The following BTRC variants were observed in gnomAD, a reference collection of about 807,000 sequenced individuals.
The protein encoded by BTRC is F-box/WD repeat-containing protein 1A.
BTRC carries 42 observed loss-of-function variants against 85.5 expected under a neutral mutation model. The observed-to-expected ratio is 0.49, with a 90% CI of 0.38 to 0.64. BTRC has a LOEUF of 0.64. BTRC is among the 30% of genes least tolerant of loss of function. The pLI is 0.00. For synonymous variants in BTRC, 255 were observed against 263.3 expected (o/e 0.97, Z 0.30); for missense variants, 594 against 743.5 (o/e 0.80, Z 2.34).
At position 101,366,778 on chromosome 10, in the gene BTRC, A is replaced by ATTTTTTTATATT. The variant is rs1564729546; in HGVS notation, c.48+12551_48+12552insTTTTTTATATTT. On this transcript the variant is annotated intron_variant, in intron 1 of 14. Transcript: ENST00000370187. ...GGACTTAATCTAGTTATATATATAT[A>ATTTTTTTATATT]TATATATATATTTTTACATTTATAT... is the stretch of plus-strand genomic sequence containing the variant. Among the ~76,000 whole-genome samples the ATTTTTTTATATT allele has an allele frequency of 8.0e-4, 87 of 108,120 alleles. 2 individuals carry two copies. The highest frequency in any genetic ancestry group is 2.7e-3 in the Admixed American group (18 of 6,588). The allele number at this position is 108,120 out of a possible 152,430, so 70.9% of individuals were successfully genotyped here.
At chr10:101,511,168 ACCTTAATTCCCACCATTTTT>A (rs1345147830) in intron 4 of BTRC, among the ~76,000 whole-genome samples, 2 of 152,104 alleles carry the variant, frequency 1.3e-5, no homozygotes, top group Admixed American at 1.3e-4. Context: ...AGCCCCAGCC[ACCTTAATTCCCACCATTTTT>A]CCTTAATTCC....
At chr10:101,538,496 T>G (rs535461399) in intron 13 of BTRC, 125 bp downstream of exon 13, 4 of 797,712 alleles carry the variant, frequency 5.0e-6, no homozygotes, top group Non-Finnish European at 8.5e-6. Flanking sequence ...AACTAAGTGG[T>G]AAGGCAACCA....
intron 11 of BTRC, among the ~76,000 whole-genome samples, 169 bp downstream of exon 11, chr10:101,535,641 C>G (rs1420300400): frequency 6.6e-6 from 1 of 152,224 alleles, no homozygotes; most frequent in East Asian, 1.9e-4. Context: ...AGCAGCACAG[C>G]AAAGCCTTTT....
rs550688474 is a variant in BTRC, at chr10:101,507,053, C to T, written c.325-14586C>T. 5.3e-5 allele frequency among the ~76,000 whole-genome samples: 8 copies of T among 152,278 alleles called. No individual in the cohort carries two copies. The South Asian group carries it at 1.2e-3, about 24-fold the overall frequency. On this transcript the variant is annotated intron_variant, in intron 4 of 14. Coordinates refer to ENST00000370187, the MANE Select transcript of BTRC (RefSeq NM_033637.4). The stretch of plus-strand genomic sequence containing the variant: ...GACTGAACATTTAATAAGATAACCA[C>T]GACATTTTAAAAGATTTTATACAAT...
intron 2 of BTRC, among the ~76,000 whole-genome samples, chr10:101,435,012 G>A (rs911442882): frequency 1.3e-5 from 2 of 151,736 alleles, no homozygotes; most frequent in African/African-American, 4.8e-5. Flanking sequence ...TCAATAATTT[G>A]TTCTATGTCA....
Position 101,537,798 on chromosome 10 carries a change from T to A in BTRC, c.1578-495T>A, listed in dbSNP as rs370214089. ...ATGTTCCAGCTTGGTCAAGACAATATTTTCTTATTGTCCTGGCTTTGATCT... is the reference window on the plus strand; with the variant it reads ...ATGTTCCAGCTTGGTCAAGACAATAATTTCTTATTGTCCTGGCTTTGATCT... On this transcript the variant is annotated intron_variant, in intron 12 of 14. Transcript: ENST00000370187. 4.6e-5 allele frequency among the ~76,000 whole-genome samples: 7 copies of A among 152,346 alleles called. No individual in the cohort carries two copies. In the South Asian group the frequency reaches 8.3e-4, roughly 18 times the overall value.
chr10:101,547,807 T>G (rs1402119813), intron 13 of BTRC, among the ~76,000 whole-genome samples: 1 of 152,220 alleles, frequency 6.6e-6, no homozygotes, highest in East Asian at 1.9e-4. Context: ...TTATACACTG[T>G]GACCAAGTGA....
intron 1 of BTRC, among the ~76,000 whole-genome samples, chr10:101,384,960 C>T (rs1943027861): frequency 1.3e-5 from 2 of 152,176 alleles, no homozygotes. Context: ...TGGTGGCTGT[C>T]ACCTGTAATC....
chr10:101,531,038 G>A (rs983564291), intron 6 of BTRC, among the ~76,000 whole-genome samples, 199 bp from the exon 7 acceptor site: 5 of 152,144 alleles, frequency 3.3e-5, no homozygotes, highest in East Asian at 3.9e-4. Context: ...CAGCATGGTG[G>A]CAGATGACTG....
intron 7 of BTRC, among the ~76,000 whole-genome samples, chr10:101,531,677 C>T (rs893111200): frequency 3.3e-5 from 5 of 151,958 alleles, no homozygotes; most frequent in African/African-American, 1.2e-4. Context: ...GCCAAGATCG[C>T]ACCACTGCAC....
chr10:101,406,237 C>A (rs1197344639), intron 1 of BTRC, among the ~76,000 whole-genome samples: 1 of 146,370 alleles, frequency 6.8e-6, no homozygotes, highest in Non-Finnish European at 1.5e-5. Context: ...AGTGCAGTGG[C>A]GCTATCTCAG....
At chr10:101,394,471 A>G (rs1349045615) in intron 1 of BTRC, among the ~76,000 whole-genome samples, 1 of 152,182 alleles carries the variant, frequency 6.6e-6, no homozygotes, top group East Asian at 1.9e-4. Context: ...TGTTTCTTAA[A>G]TAAGGATTTT....
At chr10:101,408,582 A>G (rs1288584361) in intron 1 of BTRC, among the ~76,000 whole-genome samples, 1 of 152,172 alleles carries the variant, frequency 6.6e-6, no homozygotes, top group Non-Finnish European at 1.5e-5. Flanking sequence ...TTAGAATTAC[A>G]GTTATGAGTC....
At chr10:101,493,562 A>G (rs1201379237) in intron 4 of BTRC, among the ~76,000 whole-genome samples, 1 of 152,256 alleles carries the variant, frequency 6.6e-6, no homozygotes, top group East Asian at 1.9e-4. Flanking sequence ...GGGATTATCT[A>G]AAACATTCTC....
chr10:101,432,295 T>C (rs983144858), intron 2 of BTRC, among the ~76,000 whole-genome samples: 3 of 151,986 alleles, frequency 2.0e-5, no homozygotes, highest in African/African-American at 7.3e-5. Context: ...TTGGCTCATT[T>C]TTCTATTTTT....
In BTRC at chr10:101,555,075, A is replaced by C. The variant is rs946350951; in HGVS notation, c.*1952A>C. 2 of 152,368 alleles carry C rather than the reference A, an allele frequency of 1.3e-5. No homozygotes were observed. The highest frequency in any genetic ancestry group is 4.8e-5 in the African/African-American group (2 of 41,470). The allele number at this position is 152,368 out of a possible 1,614,324, so 9.4% of individuals were successfully genotyped here. A position where few individuals can be genotyped will look rare whatever the true frequency, so the allele number is the denominator to read the frequency against. Reference sequence around the variant, plus strand: ...CCAGCTACCCAAATGCTACAGAGAAATGTTTTCTACTTGGCCACTATCAGG... The same window carrying C: ...CCAGCTACCCAAATGCTACAGAGAACTGTTTTCTACTTGGCCACTATCAGG... On this transcript the variant is annotated 3_prime_UTR_variant, in exon 15 of 15. Transcript: ENST00000370187.
chr10:101,435,000 A>G (rs1056035971), intron 2 of BTRC, among the ~76,000 whole-genome samples: 9 of 151,982 alleles, frequency 5.9e-5, no homozygotes, highest in African/African-American at 1.7e-4. Context: ...TACCCTATCA[A>G]TTCAATAATT....
chr10:101,381,973 T>TG, intron 1 of BTRC, among the ~76,000 whole-genome samples: 1 of 32,474 alleles, frequency 3.1e-5, no homozygotes, highest in East Asian at 3.8e-4. Flanking sequence ...TTTTTTTTTT[T>TG]TTTTTTTTTT....
intron 4 of BTRC, among the ~76,000 whole-genome samples, chr10:101,519,898 A>G (rs1223692699): frequency 6.6e-6 from 1 of 151,960 alleles, no homozygotes; most frequent in East Asian, 2.0e-4. Flanking sequence ...AGGAGGCTGA[A>G]GCAGGAGAAT....
Sources: allele counts gnomAD v4.1 joint callset (sites outside exome capture counted in the v4.1 genomes callset), GRCh38; gene constraint gnomAD v4.1.1; transcripts MANE v1.5; gene names NCBI Gene and HGNC (gene_info 2026-07-23, HGNC 2026-07-21).